Variants in TBC1D14 observed in about 807,000 individuals in gnomAD.
TBC1D14 encodes the protein TBC1 domain family member 14, also known as TBC1 domain family, member 14.
In TBC1D14, 26 loss-of-function variants were observed where a neutral mutation model predicts 79.0. The observed-to-expected ratio is 0.33, with a 90% confidence interval of 0.24 to 0.46. The LOEUF (loss-of-function observed/expected upper bound fraction) is 0.46, where lower values mean the gene tolerates loss of function less well. Ranked by LOEUF, TBC1D14 falls within the 20% of genes least tolerant of loss-of-function variation. The pLI is 1.00. For synonymous variants in TBC1D14, 394 were observed against 349.9 expected (o/e 1.13, Z -1.40); for missense variants, 769 against 887.6 (o/e 0.87, Z 1.70).
At chr4:6,967,469 T>C (rs756309756) in intron 3 of TBC1D14, 45 bp downstream of exon 3, 3 of 1,598,514 alleles carry the variant, frequency 1.9e-6, no homozygotes, top group Non-Finnish European at 2.6e-6. Flanking sequence ...TGGATGTGTT[T>C]AGCATATATT....
At chr4:7,011,711 C>G (rs1415966234) in intron 11 of TBC1D14, among the ~76,000 whole-genome samples, 1 of 151,844 alleles carries the variant, frequency 6.6e-6, no homozygotes, top group Non-Finnish European at 1.5e-5. Context: ...TGTCTGCCAC[C>G]ATGCCAGGCT....
At chr4:6,948,723 T>TTTG (rs1713727539) in intron 2 of TBC1D14, among the ~76,000 whole-genome samples, 1 of 150,862 alleles carries the variant, frequency 6.6e-6, no homozygotes, top group African/African-American at 2.4e-5. Context: ...TTTTTTTTTT[T>TTTG]GAGACAGAGT....
rs1716195038 is a variant in TBC1D14 at position 6,971,182 on chromosome 4, T to G, written c.843+3758T>G. ...GTTTCTGGCTTCACCACTTTTTGTCTCTGTTGAGCCAATGACTACTTCTCA... is the reference window on the plus strand; with the variant it reads ...GTTTCTGGCTTCACCACTTTTTGTCGCTGTTGAGCCAATGACTACTTCTCA... On this transcript the variant is annotated intron_variant, in intron 3 of 13. Coordinates refer to ENST00000409757, the MANE Select transcript of TBC1D14 (RefSeq NM_020773.3). Among the ~76,000 whole-genome samples the G allele has an allele frequency of 2.0e-5, 3 of 152,276 alleles. No homozygotes were observed. In the South Asian group the frequency reaches 6.2e-4, roughly 32 times the overall value.
At chr4:6,934,569 A>G (rs1712124419) in intron 2 of TBC1D14, among the ~76,000 whole-genome samples, 1 of 150,550 alleles carries the variant, frequency 6.6e-6, no homozygotes, top group African/African-American at 2.4e-5. Flanking sequence ...TAGGCATGAG[A>G]ATCTCTTGAA....
At position 7,006,271 on chromosome 4, in the gene TBC1D14, A is replaced by ATG. The variant is rs1720190672; in HGVS notation, c.1352-360_1352-359insGT. The stretch of plus-strand genomic sequence containing the variant: ...TGAAGATGTTTGAGATCGAGCAGTG[A>ATG]TATATGTGTGTGTGTGTGTGTGTTT... On this transcript the variant is annotated intron_variant, in intron 8 of 13. Coordinates refer to ENST00000409757, the MANE Select transcript of TBC1D14 (RefSeq NM_020773.3). Among the ~76,000 whole-genome samples the ATG allele has an allele frequency of 2.7e-5, 4 of 148,388 alleles. No homozygotes were observed. The South Asian group carries it at 8.4e-4, about 31-fold the overall frequency.
At chr4:7,027,695 C>G (rs559232918) in intron 13 of TBC1D14, among the ~76,000 whole-genome samples, 1 of 118,288 alleles carries the variant, frequency 8.5e-6, no homozygotes, top group Non-Finnish European at 1.8e-5. Context: ...ACAAAATCAC[C>G]CCCCACACAT....
At chr4:6,994,034 C>T in intron 3 of TBC1D14, 150 bp from the exon 4 acceptor site, 4 of 650,158 alleles carry the variant, frequency 6.2e-6, no homozygotes. Flanking sequence ...TAGTCAGCGG[C>T]TTTTCATTCT....
chr4:6,981,022 CTTT>C (rs761834899), intron 3 of TBC1D14, among the ~76,000 whole-genome samples: 10 of 128,116 alleles, frequency 7.8e-5, no homozygotes, highest in Non-Finnish European at 6.7e-5. Context: ...GCCTCTGTCT[CTTT>C]TTTTTTTTTT....
intron 3 of TBC1D14, among the ~76,000 whole-genome samples, chr4:6,985,524 G>A (rs1258137099): frequency 1.3e-5 from 2 of 152,176 alleles, no homozygotes; most frequent in African/African-American, 4.8e-5. Flanking sequence ...ACACATATAT[G>A]CGTAAAACCC....
intron 8 of TBC1D14, among the ~76,000 whole-genome samples, chr4:7,006,274 T>C (rs1267299120): frequency 1.5e-5 from 2 of 133,646 alleles, no homozygotes; most frequent in East Asian, 1.9e-4. Context: ...AGCAGTGATA[T>C]ATGTGTGTGT....
intron 13 of TBC1D14, among the ~76,000 whole-genome samples, chr4:7,029,012 T>C (rs1722770510): frequency 6.6e-6 from 1 of 152,068 alleles, no homozygotes; most frequent in Non-Finnish European, 1.5e-5. Context: ...CAATATTTGT[T>C]TGTTTTTGTA....
At position 7,030,355 on chromosome 4, in the gene TBC1D14, G is replaced by A. The variant is rs745343563; in HGVS notation, c.2045G>A (p.Arg682Gln). ...CTGACTGCATTGCAGAAAGACAGCC[G>A]GGAAATGGAGAAGGGAAGTCCGTCC... is the stretch of plus-strand genomic sequence containing the variant. Reference protein sequence around the residue: ...QVLTALQKDSREMEKGSPSLR... With the variant: ...QVLTALQKDSQEMEKGSPSLR... The change falls in exon 14 of 14, where the codon CGG (arginine) becomes CAG (glutamine). Residue 682 changes from arginine (R) to glutamine (Q), a missense_variant. Arg to Gln is a conservative substitution (Grantham distance 43). This residue lies in a region of TBC1D14 where 367 missense variants were observed against 494.4 expected (regional missense o/e 0.74). Transcript: ENST00000409757. 16 of 1,613,996 alleles carry A rather than the reference G, an allele frequency of 9.9e-6. No individual in the cohort carries two copies. Among genetic ancestry groups the A allele is most frequent in the South Asian group, 2.2e-5 (2 of 91,090 alleles).
chr4:7,017,408 C>T (rs142288140), intron 12 of TBC1D14, among the ~76,000 whole-genome samples: 23 of 152,246 alleles, frequency 1.5e-4, no homozygotes, highest in South Asian at 6.2e-4. Context: ...CAAGTCTACC[C>T]GGCTCTAGAG....
chr4:6,998,163 C>T (rs965292205), intron 5 of TBC1D14, among the ~76,000 whole-genome samples: 2 of 152,154 alleles, frequency 1.3e-5, no homozygotes, highest in African/African-American at 2.4e-5. Flanking sequence ...AGTTTGAGAC[C>T]AGCCTGGCCA....
intron 1 of TBC1D14, among the ~76,000 whole-genome samples, chr4:6,911,576 G>A (rs1215009956): frequency 6.6e-6 from 1 of 152,198 alleles, no homozygotes; most frequent in Non-Finnish European, 1.5e-5. Context: ...GTTCCCCTGT[G>A]TTCCTTTAGC....
In TBC1D14 at chr4:6,923,594, C is replaced by G. The variant is rs774590557; in HGVS notation, c.205C>G (p.Pro69Ala). The change falls in exon 2 of 14, where the codon CCT becomes GCT. Residue 69 changes from proline to alanine, a missense_variant. By Grantham distance (27) the Pro-to-Ala change is conservative. Coordinates refer to ENST00000409757, the MANE Select transcript of TBC1D14 (RefSeq NM_020773.3). Reference protein sequence around the residue: ...HSLQSVDSGIPTLEIGNPEPV... With the variant: ...HSLQSVDSGIATLEIGNPEPV... ...CCTCCAGTCCGTGGACTCGGGGATT[C>G]CTACCCTGGAGATCGGGAACCCGGA... The G allele has an allele frequency of 6.2e-7, 1 of 1,614,110 alleles. No individual in the cohort carries two copies. The highest frequency in any genetic ancestry group is 1.1e-5 in the South Asian group (1 of 91,090).
At chr4:6,977,962 T>C (rs4301117) in intron 3 of TBC1D14, among the ~76,000 whole-genome samples, 104,402 of 118,796 alleles carry the variant, frequency 0.88, 45,122 homozygotes, top group East Asian at 0.92. Context: ...ACCCTCTGCC[T>C]GGCAACCGCC....
At chr4:7,019,457 G>A (rs16839564) in intron 12 of TBC1D14, among the ~76,000 whole-genome samples, 1 of 152,118 alleles carries the variant, frequency 6.6e-6, no homozygotes, top group Non-Finnish European at 1.5e-5. Context: ...CTTAGGAGCC[G>A]GGAGCATCTT....
chr4:6,960,636 A>T (rs576313934), intron 2 of TBC1D14, among the ~76,000 whole-genome samples: 1 of 152,320 alleles, frequency 6.6e-6, no homozygotes, highest in Middle Eastern at 3.4e-3. Context: ...TGACATTAAA[A>T]AATAATAATA....
Sources: gnomAD v4.1 joint callset for allele counts (sites outside exome capture counted in the v4.1 genomes callset) on GRCh38, gnomAD v4.1.1 for gene constraint, gnomAD v4.1.1 regional missense constraint, MANE v1.5 for transcripts, NCBI Gene and HGNC (gene_info 2026-07-23, HGNC 2026-07-21) for gene names.